Variants in NIM1K observed in about 807,000 individuals in gnomAD.
NIM1K encodes the protein serine/threonine-protein kinase NIM1.
NIM1K carries 35 observed loss-of-function variants against 37.1 expected under a neutral mutation model. The ratio of observed to expected loss-of-function variants is 0.94; its 90% CI spans 0.72 to 1.25. NIM1K has a LOEUF of 1.25. Among genes scored for constraint, NIM1K ranks in the 50% most tolerant of loss-of-function variants. The pLI is 0.00. For missense variants in NIM1K, 564 were observed against 548.0 expected (o/e 1.03, Z -0.29); for synonymous variants, 234 against 206.6 (o/e 1.13, Z -1.14).
At chr5:43,206,004 G>A (rs568897786) in intron 1 of NIM1K, among the ~76,000 whole-genome samples, 25 of 152,108 alleles carry the variant, frequency 1.6e-4, no homozygotes, top group Non-Finnish European at 2.6e-4. Flanking sequence ...GAGCTTCCGC[G>A]CCCGGCCTGC....
intron 1 of NIM1K, among the ~76,000 whole-genome samples, chr5:43,213,213 CTTTCT>C (rs1554013581): frequency 8.8e-5 from 4 of 45,566 alleles, no homozygotes; most frequent in Admixed American, 7.0e-4. Flanking sequence ...TTCTTTCTTT[CTTTCT>C]TTCTTTCCTT....
rs906592953 is a variant in NIM1K, at chr5:43,259,469, C to A, written c.292+13402C>A. Among the ~76,000 whole-genome samples the A allele has an allele frequency of 7.2e-5, 11 of 152,190 alleles. 1 individual carries two copies. The South Asian group carries it at 1.5e-3, about 20-fold the overall frequency. ...CTGTTTTTTGACTTTTTAATAATGA[C>A]CATTCTGGCTGGGGTAAAGCGGTAT... is the stretch of plus-strand genomic sequence containing the variant. On this transcript the variant is annotated intron_variant, in intron 2 of 3. Coordinates refer to ENST00000326035, the MANE Select transcript of NIM1K (RefSeq NM_153361.4).
At chr5:43,195,682 T>C (rs1006249451) in intron 1 of NIM1K, among the ~76,000 whole-genome samples, 3 of 140,094 alleles carry the variant, frequency 2.1e-5, no homozygotes, top group Non-Finnish European at 4.6e-5. Context: ...AAAAAAAAAG[T>C]GATTTCAGCT....
Position 43,277,232 on chromosome 5 carries a change from G to T in NIM1K, c.468G>T (p.Gly156=), listed in dbSNP as rs1267559420. The change falls in exon 3 of 4, where the codon GGG becomes GGT. Residue 156 remains glycine (G), a synonymous_variant. Transcript: ENST00000326035. The part of the protein sequence containing the change: ...LHLVMEYAGG[G]ELFGKISTEG... The stretch of plus-strand genomic sequence containing the variant: ...TGGTGATGGAGTATGCAGGGGGTGG[G>T]GAGCTCTTCGGAAAAATTAGCACTG... 6.2e-7 allele frequency: 1 copy of T among 1,614,004 alleles called. No individual in the cohort carries two copies. The highest frequency in any genetic ancestry group is 2.2e-5 in the East Asian group (1 of 44,864).
At chr5:43,255,929 G>C (rs555892309) in intron 2 of NIM1K, among the ~76,000 whole-genome samples, 1 of 151,570 alleles carries the variant, frequency 6.6e-6, no homozygotes, top group Non-Finnish European at 1.5e-5. Context: ...CGTAGCAGGC[G>C]TAAGAGTGTC....
At chr5:43,259,294 G>T (rs1752993690) in intron 2 of NIM1K, among the ~76,000 whole-genome samples, 1 of 152,068 alleles carries the variant, frequency 6.6e-6, no homozygotes, top group Non-Finnish European at 1.5e-5. Flanking sequence ...GGATCAAATG[G>T]TAGATCTACT....
chr5:43,277,585 C>T (rs1753364741), intron 3 of NIM1K, among the ~76,000 whole-genome samples: 1 of 152,126 alleles, frequency 6.6e-6, no homozygotes, highest in African/African-American at 2.4e-5. Context: ...ATGAATATCA[C>T]CCACTCCCTG....
At chr5:43,213,677 G>C (rs957641810) in intron 1 of NIM1K, among the ~76,000 whole-genome samples, 75 of 152,242 alleles carry the variant, frequency 4.9e-4, no homozygotes, top group African/African-American at 1.7e-3. Context: ...TATTTTTTTA[G>C]TAGAGCTTGG....
intron 1 of NIM1K, among the ~76,000 whole-genome samples, chr5:43,230,122 A>G (rs184982471): frequency 1.4e-4 from 22 of 152,356 alleles, no homozygotes; most frequent in African/African-American, 4.8e-4. Context: ...TTGCACAAAC[A>G]TTGGGTTGCC....
Position 43,210,953 on chromosome 5 carries a change from T to A in NIM1K, c.-695+18542T>A, listed in dbSNP as rs150005652. Among the ~76,000 whole-genome samples, 129 of 152,190 alleles carry A rather than the reference T, an allele frequency of 8.5e-4. 1 individual carries two copies. The highest frequency in any genetic ancestry group is 2.8e-3 in the African/African-American group (117 of 41,546). On this transcript the variant is annotated intron_variant, in intron 1 of 3. Transcript: ENST00000326035. ...TGGGAGGCCAAGGCAGGCGGATCAC[T>A]TGAGGTCGGGAGTTGGAGACCAGCC...
intron 2 of NIM1K, among the ~76,000 whole-genome samples, chr5:43,274,551 A>C (rs941809506): frequency 6.6e-6 from 1 of 152,244 alleles, no homozygotes; most frequent in African/African-American, 2.4e-5. Flanking sequence ...TTAATCCTAA[A>C]GACTGAAAAG....
chr5:43,251,426 G>T (rs891377618), intron 2 of NIM1K, among the ~76,000 whole-genome samples: 11 of 152,076 alleles, frequency 7.2e-5, no homozygotes, highest in African/African-American at 1.4e-4. Context: ...AGTCTTAAAG[G>T]TTCCACTTTG....
chr5:43,252,355 C>G (rs547238144), intron 2 of NIM1K, among the ~76,000 whole-genome samples: 1 of 152,208 alleles, frequency 6.6e-6, no homozygotes, highest in Admixed American at 6.5e-5. Context: ...AAGAAACAGT[C>G]TCACCCGCTG....
chr5:43,268,698 A>G (rs141640149), intron 2 of NIM1K, among the ~76,000 whole-genome samples: 356 of 152,280 alleles, frequency 2.3e-3, no homozygotes, highest in African/African-American at 8.3e-3. Context: ...CCTTAGCAGA[A>G]TTCAGGCTCT....
In NIM1K at chr5:43,223,382, A is replaced by G. The variant is rs377505919; in HGVS notation, c.-694-21700A>G. On this transcript the variant is annotated intron_variant, in intron 1 of 3. Transcript: ENST00000326035. ...AGGATTAAATAGTTAATACACATACAGTATCTAGAATAATGCCTACCACAT... is the reference window on the plus strand; with the variant it reads ...AGGATTAAATAGTTAATACACATACGGTATCTAGAATAATGCCTACCACAT... Among the ~76,000 whole-genome samples the G allele has an allele frequency of 4.6e-5, 7 of 152,348 alleles. No homozygotes were observed. The East Asian group carries it at 1.2e-3, about 25-fold the overall frequency.
At chr5:43,271,601 G>C (rs965164533) in intron 2 of NIM1K, among the ~76,000 whole-genome samples, 3 of 152,132 alleles carry the variant, frequency 2.0e-5, no homozygotes, top group Non-Finnish European at 4.4e-5. Flanking sequence ...ACACAAACTT[G>C]CATCTTGCAA....
intron 2 of NIM1K, among the ~76,000 whole-genome samples, chr5:43,258,431 C>A (rs1048417169): frequency 1.3e-5 from 2 of 151,058 alleles, no homozygotes; most frequent in African/African-American, 4.9e-5. Context: ...CTAGTACAAG[C>A]GTTTTTGGTA....
At chr5:43,248,290 C>T (rs536279243) in intron 2 of NIM1K, among the ~76,000 whole-genome samples, 10 of 152,278 alleles carry the variant, frequency 6.6e-5, no homozygotes, top group African/African-American at 2.2e-4. Context: ...TTAGCTGTGG[C>T]TGAATCATAG....
chr5:43,194,782 G>C (rs1452844245), intron 1 of NIM1K: 1 of 151,930 alleles, frequency 6.6e-6, no homozygotes, highest in African/African-American at 2.4e-5. Context: ...TTCGTTTTTA[G>C]AGACTGGGTC....
Sources: gnomAD v4.1 joint callset for allele counts (sites outside exome capture counted in the v4.1 genomes callset) on GRCh38, gnomAD v4.1.1 for gene constraint, MANE v1.5 for transcripts, NCBI Gene and HGNC (gene_info 2026-07-23, HGNC 2026-07-21) for gene names.